The following DLG2 variants were observed in gnomAD, a reference collection of about 807,000 sequenced individuals.
DLG2 encodes discs large MAGUK scaffold protein 2.
In DLG2, 45 loss-of-function variants were observed where a neutral mutation model predicts 132.5. The ratio of observed to expected loss-of-function variants is 0.34; its 90% CI spans 0.27 to 0.44. The LOEUF is 0.44. DLG2 is among the 20% of genes least tolerant of loss of function. The probability of loss-of-function intolerance (pLI) is 1.00; values close to 1 mark genes in which losing one functional copy is unlikely to be tolerated. For synonymous variants in DLG2, 424 were observed against 419.6 expected, an observed-to-expected ratio of 1.01 and a Z score of -0.13; for missense variants, 1,045 against 1,196.9, an observed-to-expected ratio of 0.87 and a Z score of 1.87.
intron 3 of DLG2, among the ~76,000 whole-genome samples, chr11:85,389,921 A>G (rs2086656866): frequency 6.6e-6 from 1 of 152,154 alleles, no homozygotes. Flanking sequence ...TAAGGCATGA[A>G]TCTCACAGGA....
At chr11:84,206,381 C>A (rs11825042) in intron 8 of DLG2, among the ~76,000 whole-genome samples, 6,430 of 152,068 alleles carry the variant, frequency 0.042, 402 homozygotes, top group African/African-American at 0.15. Flanking sequence ...AGGAAAACAT[C>A]CCAAGTCATT....
chr11:84,439,820 T>A (rs190004778), intron 7 of DLG2, among the ~76,000 whole-genome samples: 10 of 152,326 alleles, frequency 6.6e-5, no homozygotes, highest in Admixed American at 3.9e-4. Flanking sequence ...CAATCATCCC[T>A]AAGTTAATGA....
rs537257105 is a variant in DLG2, at chr11:85,389,302, C to T, written c.41-103937G>A. Among the ~76,000 whole-genome samples the T allele has an allele frequency of 1.3e-4, 20 of 152,130 alleles. No individual in the cohort carries two copies. In the East Asian group the frequency reaches 3.7e-3, roughly 28 times the overall value. ...CTTTCAAATTAACCCAATCCAACAA[C>T]AACAAAGAAAAAATAATTTTTTAAA... is the stretch of plus-strand genomic sequence containing the variant. On this transcript the variant is annotated intron_variant, in intron 3 of 27. Coordinates refer to ENST00000376104, the MANE Select transcript of DLG2 (RefSeq NM_001142699.3).
chr11:84,204,264 T>C (rs1036352447), intron 8 of DLG2, among the ~76,000 whole-genome samples: 42 of 152,314 alleles, frequency 2.8e-4, no homozygotes, highest in African/African-American at 9.9e-4. Context: ...CCAAGATATT[T>C]GATTTTTAAA....
chr11:83,682,441 A>G (rs2078992653), intron 18 of DLG2: 2 of 985,282 alleles, frequency 2.0e-6, no homozygotes, highest in Non-Finnish European at 2.4e-6. Context: ...CCTTAGAAGC[A>G]GTGACAGTAA....
intron 16 of DLG2, among the ~76,000 whole-genome samples, chr11:83,871,399 T>C (rs1195477753): frequency 6.6e-6 from 1 of 152,254 alleles, no homozygotes; most frequent in East Asian, 1.9e-4. Flanking sequence ...ACTTATTTTA[T>C]GTCAAGTAAA....
intron 7 of DLG2, among the ~76,000 whole-genome samples, chr11:84,325,205 G>T (rs569460629): frequency 6.6e-6 from 1 of 151,860 alleles, no homozygotes; most frequent in African/African-American, 2.4e-5. Context: ...AATTTGTTGA[G>T]GTTTTTTTTA....
At chr11:83,522,149 A>T (rs943889967) in intron 21 of DLG2, among the ~76,000 whole-genome samples, 5 of 152,172 alleles carry the variant, frequency 3.3e-5, no homozygotes, top group Non-Finnish European at 4.4e-5. Context: ...TCTAAGTGTT[A>T]AAGTGCACTT....
At chr11:84,823,526 A>T (rs2077949070) in intron 6 of DLG2, among the ~76,000 whole-genome samples, 1 of 149,802 alleles carries the variant, frequency 6.7e-6, no homozygotes, top group South Asian at 2.1e-4. Flanking sequence ...CTCAAATCTT[A>T]TCTTCTTAGA....
intron 7 of DLG2, among the ~76,000 whole-genome samples, chr11:84,283,249 T>C (rs185611456): frequency 2.0e-5 from 3 of 152,204 alleles, no homozygotes; most frequent in African/African-American, 2.4e-5. Flanking sequence ...ATTCGTAATA[T>C]ACAGATAGAG....
At chr11:84,062,184 G>A (rs754626852) in intron 10 of DLG2, among the ~76,000 whole-genome samples, 5 of 152,130 alleles carry the variant, frequency 3.3e-5, no homozygotes, top group African/African-American at 7.2e-5. Flanking sequence ...TAAATCAGAT[G>A]TTCATTCCTG....
chr11:84,382,946 T>C (rs1009730764), intron 7 of DLG2, among the ~76,000 whole-genome samples: 2 of 151,950 alleles, frequency 1.3e-5, no homozygotes, highest in South Asian at 2.1e-4. Flanking sequence ...TCTAGGACTA[T>C]AGATAGCATC....
chr11:85,340,397 C>G (rs1055690636), intron 3 of DLG2, among the ~76,000 whole-genome samples: 6 of 152,122 alleles, frequency 3.9e-5, no homozygotes, highest in African/African-American at 1.4e-4. Flanking sequence ...GGACAGAAAA[C>G]CAAACACTGC....
chr11:85,529,405 A>G (rs1459596465), intron 3 of DLG2, among the ~76,000 whole-genome samples: 1 of 152,232 alleles, frequency 6.6e-6, no homozygotes, highest in Admixed American at 6.5e-5. Context: ...TAATGACCAA[A>G]TAAGATTATC....
At chr11:84,358,898 G>A (rs1288685406) in intron 7 of DLG2, among the ~76,000 whole-genome samples, 1 of 151,856 alleles carries the variant, frequency 6.6e-6, no homozygotes, top group Non-Finnish European at 1.5e-5. Flanking sequence ...ACTTATCCAA[G>A]GCCATGCAAC....
intron 7 of DLG2, among the ~76,000 whole-genome samples, chr11:84,445,340 C>CCA (rs1185238020): frequency 1.3e-5 from 2 of 151,850 alleles, no homozygotes; most frequent in Non-Finnish European, 2.9e-5. Flanking sequence ...TTAAACATAC[C>CCA]CAATCATTTA....
intron 21 of DLG2, among the ~76,000 whole-genome samples, chr11:83,493,095 C>T (rs1471987095): frequency 6.6e-6 from 1 of 152,062 alleles, no homozygotes; most frequent in Non-Finnish European, 1.5e-5. Flanking sequence ...TGTCTTCCTG[C>T]CACATTGGCC....
rs558021420 is a variant in DLG2 at position 84,195,110 on chromosome 11, C to T, written c.574-31599G>A. On this transcript the variant is annotated intron_variant, in intron 8 of 27. Transcript: ENST00000376104. Reference sequence around the variant, plus strand: ...TGTGGCCTGAGGTGCCCAGAGCAAGCGAGGGCTGCTAGCACACTGTCACCT... The same window carrying T: ...TGTGGCCTGAGGTGCCCAGAGCAAGTGAGGGCTGCTAGCACACTGTCACCT... Among the ~76,000 whole-genome samples, 192 of 152,258 alleles carry T rather than the reference C, an allele frequency of 1.3e-3. 5 individuals are homozygous for T. The South Asian group carries it at 0.035, about 27-fold the overall frequency.
At chr11:84,268,620 C>T (rs1008972792) in intron 7 of DLG2, among the ~76,000 whole-genome samples, 2 of 141,702 alleles carry the variant, frequency 1.4e-5, no homozygotes, top group African/African-American at 5.2e-5. Context: ...TGCCACCACG[C>T]CCGGCTAATT....
Sources: gnomAD v4.1 joint callset for allele counts (sites outside exome capture counted in the v4.1 genomes callset) on GRCh38, gnomAD v4.1.1 for gene constraint, MANE v1.5 for transcripts, NCBI Gene and HGNC (gene_info 2026-07-23, HGNC 2026-07-21) for gene names.